Variants in DHX57 observed in about 807,000 individuals in gnomAD.
DHX57 encodes the protein putative ATP-dependent RNA helicase DHX57.
DHX57 carries 105 observed loss-of-function variants against 156.2 expected under a neutral mutation model. The ratio of observed to expected loss-of-function variants is 0.67; its 90% confidence interval spans 0.57 to 0.79. The LOEUF (loss-of-function observed/expected upper bound fraction) is 0.79, where lower values mean the gene tolerates loss of function less well. Ranked by LOEUF, DHX57 falls within the 30% of genes least tolerant of loss-of-function variation. The probability of loss-of-function intolerance (pLI) is 0.00; values close to 1 mark genes in which losing one functional copy is unlikely to be tolerated. For missense variants in DHX57, 1,847 were observed against 1,661.9 expected (o/e 1.11, Z -1.94); for synonymous variants, 704 against 595.6 (o/e 1.18, Z -2.65).
rs10708087 is a variant in DHX57 at position 38,839,557 on chromosome 2, C to CA, written c.2426-1611dup. Among the ~76,000 whole-genome samples, 241 of 141,062 alleles carry CA rather than the reference C, an allele frequency of 1.7e-3. 1 individual carries two copies. Among genetic ancestry groups the CA allele is most frequent in the Admixed American group, 7.2e-3 (102 of 14,084 alleles). The allele number at this position is 141,062 out of a possible 152,430, so 92.5% of individuals were successfully genotyped here. A position where few individuals can be genotyped will look rare whatever the true frequency, so the allele number is the denominator to read the frequency against. ...GAAATCCCCATCTCTACTAAAAATA[C>CA]AAAAAAAAAAAAAATTAGCCAGGCA... On this transcript the variant is annotated intron_variant, in intron 12 of 23. Coordinates refer to ENST00000457308, the MANE Select transcript of DHX57 (RefSeq NM_198963.3).
At chr2:38,860,889 TG>T in intron 5 of DHX57, 109 bp downstream of exon 5, 1 of 910,818 alleles carries the variant, frequency 1.1e-6, no homozygotes, top group East Asian at 2.5e-5. Flanking sequence ...CTTAATGGCT[TG>T]TTCAGCTTGT....
At position 38,799,821 on chromosome 2, in the gene DHX57, C is replaced by T. The variant is rs78567681; in HGVS notation, c.4018-1379G>A. ...CTGTAATCCCAGCACTTTGGGAGGC[C>T]GAGGTGGGCGGATCACAAGGTCAGG... On this transcript the variant is annotated intron_variant, in intron 23 of 23. Coordinates refer to ENST00000457308, the MANE Select transcript of DHX57 (RefSeq NM_198963.3). Among the ~76,000 whole-genome samples the T allele has an allele frequency of 2.2e-3, 329 of 148,286 alleles. 4 individuals are homozygous for T. Among genetic ancestry groups the T allele is most frequent in the Non-Finnish European group, 2.3e-3 (156 of 67,210 alleles).
At chr2:38,820,772 T>A (rs183655441) in intron 17 of DHX57, among the ~76,000 whole-genome samples, 8 of 151,386 alleles carry the variant, frequency 5.3e-5, no homozygotes, top group Admixed American at 4.0e-4. Context: ...AGAAACTGAA[T>A]ACATCCATTT....
rs201298408 is a variant in DHX57, at chr2:38,861,037, A to G, written c.1373T>C (p.Ile458Thr). 6 of 1,613,886 alleles carry G rather than the reference A, an allele frequency of 3.7e-6. No homozygotes were observed. The highest frequency in any genetic ancestry group is 4.2e-6 in the Non-Finnish European group (5 of 1,179,918). The part of the protein sequence containing the change: ...INNPACHKTV[I>T]PNNSFVSNQI... Reference sequence around the variant, plus strand: ...ATTAGAAACAAAAGAATTATTTGGAATCACTGTTTTATGACAGGCAGGATT... The same window carrying G: ...ATTAGAAACAAAAGAATTATTTGGAGTCACTGTTTTATGACAGGCAGGATT... Residue 458 changes from isoleucine (I) to threonine (T), a missense_variant, in exon 5 of 24, where the codon ATT becomes ACT. Transcript: ENST00000457308.
chr2:38,823,574 C>A (rs1201304961), intron 16 of DHX57, among the ~76,000 whole-genome samples: 1 of 152,064 alleles, frequency 6.6e-6, no homozygotes, highest in Non-Finnish European at 1.5e-5. Flanking sequence ...GAACTTGGAA[C>A]CCTGCACGTT....
Position 38,862,298 on chromosome 2 carries a change from G to A in DHX57, c.419C>T (p.Pro140Leu), listed in dbSNP as rs779692343. 6.3e-7 allele frequency: 1 copy of A among 1,599,494 alleles called. No individual in the cohort carries two copies. Among genetic ancestry groups the A allele is most frequent in the South Asian group, 1.1e-5 (1 of 89,086 alleles). ...GTACCGCTCATCGTTACAGCAATCA[G>A]GCTCATCATCTTCCTCCTCCCCAGA... ...GLSGEEEDDE[P>L]DCCNDERYWP... The change falls in exon 4 of 24, where the codon CCT (proline) becomes CTT (leucine). Residue 140 changes from proline to leucine, a missense_variant. Coordinates refer to ENST00000457308, the MANE Select transcript of DHX57 (RefSeq NM_198963.3).
rs937448278 is a variant in DHX57 at position 38,798,308 on chromosome 2, G to T, written c.4152C>A (p.Thr1384=). Residue 1384 remains threonine, a synonymous_variant, in exon 24 of 24, where the codon ACC becomes ACA. Transcript: ENST00000457308. ...RIISTIVKLV[T]TQ ...TCTCTAAGACTGCTTTTTATTGTGT[G>T]GTGACAAGTTTCACAATTGTGCTGA... The T allele has an allele frequency of 1.9e-6, 3 of 1,612,370 alleles. No individual in the cohort carries two copies. The African/African-American group carries it at 4.0e-5, about 22-fold the overall frequency.
intron 12 of DHX57, among the ~76,000 whole-genome samples, chr2:38,839,416 A>T (rs564683409): frequency 4.4e-4 from 67 of 152,024 alleles, no homozygotes; most frequent in Non-Finnish European, 8.4e-4. Flanking sequence ...TTGAAGAGGG[A>T]CAAAAGCAGT....
intron 15 of DHX57, 144 bp downstream of exon 15, chr2:38,826,372 C>G: frequency 1.1e-6 from 1 of 932,382 alleles, no homozygotes; most frequent in Non-Finnish European, 1.6e-6. Flanking sequence ...GCTACACAAT[C>G]ATTCACACAT....
intron 13 of DHX57, among the ~76,000 whole-genome samples, chr2:38,836,531 T>TG (rs2124853079): frequency 6.6e-6 from 1 of 152,292 alleles, no homozygotes; most frequent in Admixed American, 6.5e-5. Context: ...CCCAGCACTT[T>TG]GGGAGGCCAA....
intron 23 of DHX57, among the ~76,000 whole-genome samples, chr2:38,800,826 G>C (rs918649892): frequency 1.3e-5 from 2 of 152,140 alleles, no homozygotes; most frequent in African/African-American, 2.4e-5. Flanking sequence ...ATCCAGTAAG[G>C]TAGCCACTAG....
chr2:38,860,213 G>A (rs180834521), intron 5 of DHX57, among the ~76,000 whole-genome samples: 71 of 152,236 alleles, frequency 4.7e-4, no homozygotes, highest in African/African-American at 1.7e-3. Context: ...ACTTTGGGAG[G>A]CCAAGGCAGG....
At chr2:38,820,344 G>C (rs1419915103) in intron 17 of DHX57, among the ~76,000 whole-genome samples, 2 of 149,698 alleles carry the variant, frequency 1.3e-5, no homozygotes, top group African/African-American at 4.9e-5. Flanking sequence ...TTTTTCTTCA[G>C]ATCACTAAAC....
intron 19 of DHX57, among the ~76,000 whole-genome samples, chr2:38,818,336 C>T (rs1670647186): frequency 6.6e-6 from 1 of 152,120 alleles, no homozygotes; most frequent in East Asian, 1.9e-4. Flanking sequence ...AGCAGCCTGG[C>T]CAGCATGGTG....
chr2:38,827,485 CAAAAA>C (rs1196817843), intron 14 of DHX57, among the ~76,000 whole-genome samples: 2 of 8,506 alleles, frequency 2.4e-4, no homozygotes, highest in African/African-American at 2.6e-4. Context: ...GACTCTGTCT[CAAAAA>C]AAAAAAAAAA....
intron 16 of DHX57, among the ~76,000 whole-genome samples, chr2:38,825,250 C>T (rs914859686): frequency 7.9e-5 from 12 of 152,026 alleles, no homozygotes; most frequent in South Asian, 2.1e-4. Flanking sequence ...CACTTTAAGA[C>T]GTGAATTGAC....
chr2:38,806,582 G>C lies in DHX57; in HGVS notation c.3793C>G (p.His1265Asp). The C allele has an allele frequency of 6.2e-7, 1 of 1,614,106 alleles. No individual in the cohort carries two copies. The highest frequency in any genetic ancestry group is 8.5e-7 in the Non-Finnish European group (1 of 1,180,022). The change falls in exon 22 of 24, where the codon CAC becomes GAC. Residue 1265 changes from histidine (H) to aspartate (D), a missense_variant. Physicochemically the swap from His to Asp is moderately conservative, Grantham distance 81. Transcript: ENST00000457308. Reference sequence around the variant, plus strand: ...ACCTGATAGTTCACTGATGAAGGGTGAATGTGTACATATCCATCGTTCTTG... The same window carrying C: ...ACCTGATAGTTCACTGATGAAGGGTCAATGTGTACATATCCATCGTTCTTG... Reference protein sequence around the residue: ...VTKNDGYVHIHPSSVNYQVRH... With the variant: ...VTKNDGYVHIDPSSVNYQVRH...
Position 38,806,707 on chromosome 2 carries a change from A to G in DHX57, c.3682-14T>C. 6.2e-7 allele frequency: 1 copy of G among 1,611,400 alleles called. No homozygotes were observed. Among genetic ancestry groups the G allele is most frequent in the Non-Finnish European group, 8.5e-7 (1 of 1,178,744 alleles). On this transcript the variant is annotated splice_polypyrimidine_tract_variant and intron_variant, in intron 21 of 23. Transcript: ENST00000457308. ...TGGGCTTTTCACCTAAACAACAAGT[A>G]TTTGTAAAAATAGACATATAATATA...
chr2:38,857,900 G>A lies in DHX57; in HGVS notation c.1587+761C>T, dbSNP rs576456454. On this transcript the variant is annotated intron_variant, in intron 6 of 23. Coordinates refer to ENST00000457308, the MANE Select transcript of DHX57 (RefSeq NM_198963.3). ...ATATTAATTTTTTCTAAGGTAAATCGCAGTATTTGTTTTGTTTTGTTTTTA... is the reference window on the plus strand; with the variant it reads ...ATATTAATTTTTTCTAAGGTAAATCACAGTATTTGTTTTGTTTTGTTTTTA... Among the ~76,000 whole-genome samples the A allele has an allele frequency of 5.3e-5, 8 of 152,094 alleles. No homozygotes were observed. In the South Asian group the frequency reaches 6.2e-4, roughly 12 times the overall value.
Sources: gnomAD v4.1 joint callset for allele counts (sites outside exome capture counted in the v4.1 genomes callset) on GRCh38, gnomAD v4.1.1 for gene constraint, MANE v1.5 for transcripts, NCBI Gene and HGNC (gene_info 2026-07-23, HGNC 2026-07-21) for gene names.